TENM3: variants seen among roughly 807,000 people sequenced by gnomAD.
TENM3 encodes the protein teneurin transmembrane protein 3, also known as teneurin-3.
Under a neutral mutation model 255.1 loss-of-function variants are expected in TENM3, and 63 were observed. That is an observed-to-expected ratio of 0.25 (90% CI 0.20 to 0.30). The LOEUF (loss-of-function observed/expected upper bound fraction) is 0.30, where lower values mean the gene tolerates loss of function less well. TENM3 is among the 10% of genes least tolerant of loss of function. The pLI is 1.00. For synonymous variants in TENM3, 1,306 were observed against 1,322.3 expected, an observed-to-expected ratio of 0.99 and a Z score of 0.27; for missense variants, 2,929 against 3,461.1, an observed-to-expected ratio of 0.85 and a Z score of 3.86.
At chr4:181,582,043 T>G in the TENM3 span, among the ~76,000 whole-genome samples, 1 of 152,184 alleles carries the variant, frequency 6.6e-6, no homozygotes, top group Non-Finnish European at 1.5e-5. Context: ...CCGCCTTACA[T>G]TTACTTCTGT....
chr4:182,688,974 T>C (rs752602647), intron 12 of TENM3, among the ~76,000 whole-genome samples: 5 of 152,232 alleles, frequency 3.3e-5, no homozygotes, highest in Non-Finnish European at 5.9e-5. Flanking sequence ...ATCAGATAGA[T>C]GTTTCAGATC....
the TENM3 span, among the ~76,000 whole-genome samples, chr4:181,477,683 C>T: frequency 3.5e-4 from 53 of 152,026 alleles, no homozygotes; most frequent in Non-Finnish European, 6.2e-4. Flanking sequence ...GCTTGAAATC[C>T]TCAGTCACCA....
the TENM3 span, among the ~76,000 whole-genome samples, chr4:181,707,679 A>T: frequency 6.6e-6 from 1 of 152,234 alleles, no homozygotes; most frequent in Non-Finnish European, 1.5e-5. Flanking sequence ...ATCCGGTCAG[A>T]TGACCTCAAC....
chr4:181,607,326 A>G, the TENM3 span, among the ~76,000 whole-genome samples: 1 of 152,234 alleles, frequency 6.6e-6, no homozygotes, highest in South Asian at 2.1e-4. Context: ...CACTAGCCAT[A>G]AGCAGCTATG....
chr4:182,562,619 T>G (rs1743317928), intron 3 of TENM3, among the ~76,000 whole-genome samples: 1 of 152,152 alleles, frequency 6.6e-6, no homozygotes, highest in Non-Finnish European at 1.5e-5. Flanking sequence ...TGAGGCTGTC[T>G]CAGTTTCATC....
intron 3 of TENM3, among the ~76,000 whole-genome samples, chr4:182,502,000 A>G (rs1560837379): frequency 1.3e-5 from 2 of 152,118 alleles, no homozygotes; most frequent in Non-Finnish European, 2.9e-5. Flanking sequence ...GATCACTTGT[A>G]TGGAAACCAC....
intron 3 of TENM3, among the ~76,000 whole-genome samples, chr4:182,468,333 T>G (rs1732786982): frequency 6.6e-6 from 1 of 152,182 alleles, no homozygotes; most frequent in Non-Finnish European, 1.5e-5. Flanking sequence ...AGATTTCCGC[T>G]GTGGGTGGGG....
chr4:182,504,677 C>A, intron 3 of TENM3, among the ~76,000 whole-genome samples: 1 of 152,144 alleles, frequency 6.6e-6, no homozygotes. Context: ...ATACATATGG[C>A]GTTCGTAATT....
At chr4:181,587,656 T>A in the TENM3 span, among the ~76,000 whole-genome samples, 1 of 152,176 alleles carries the variant, frequency 6.6e-6, no homozygotes, top group African/African-American at 2.4e-5. Flanking sequence ...ACCCCACTGT[T>A]AACCAGAAGC....
chr4:182,715,721 C>T (rs1202406032), intron 13 of TENM3, among the ~76,000 whole-genome samples: 6 of 152,128 alleles, frequency 3.9e-5, no homozygotes, highest in Admixed American at 1.3e-4. Flanking sequence ...CCAGAACCAA[C>T]CCCTCAACCT....
At chr4:182,097,164 T>A in the TENM3 span, among the ~76,000 whole-genome samples, 2,268 of 152,290 alleles carry the variant, frequency 0.015, 49 homozygotes, top group African/African-American at 0.037. Flanking sequence ...TAATAATTTA[T>A]TAAGCCATGC....
In TENM3 at chr4:182,751,944, A is replaced by C; in HGVS notation, c.3774A>C (p.Ala1258=). ...TGACTAAAAATGCAGAAGTCGTCGC[A>C]GGGACAGGGGAGCAATGCCTTCCGT... is the stretch of plus-strand genomic sequence containing the variant. ...KDLTKNAEVV[A]GTGEQCLPFD... The change falls in exon 20 of 28, where the codon GCA becomes GCC. Residue 1258 remains alanine (A), a synonymous_variant. Transcript: ENST00000511685. 6.2e-7 allele frequency: 1 copy of C among 1,613,910 alleles called. No homozygotes were observed.
chr4:181,778,849 A>T, the TENM3 span, among the ~76,000 whole-genome samples: 1 of 152,146 alleles, frequency 6.6e-6, no homozygotes, highest in Non-Finnish European at 1.5e-5. Flanking sequence ...AGGTTGATGA[A>T]TGTCCTTATT....
the TENM3 span, among the ~76,000 whole-genome samples, chr4:181,918,042 G>A: frequency 2.0e-5 from 3 of 151,984 alleles, no homozygotes; most frequent in Non-Finnish European, 4.4e-5. Flanking sequence ...AGCTACTTTT[G>A]TGCTTCTCAC....
Position 182,405,899 on chromosome 4 carries a change from G to A in TENM3, c.511+58970G>A, listed in dbSNP as rs901520125. Among the ~76,000 whole-genome samples, 10 of 152,192 alleles carry A rather than the reference G, an allele frequency of 6.6e-5. No homozygotes were observed. The East Asian group carries it at 1.9e-3, about 29-fold the overall frequency. ...GGAGCACCACAAGCAGGCTTGGGTC[G>A]GGAGGGAGCCTCTGGGTTTGCAAAG... is the stretch of plus-strand genomic sequence containing the variant. On this transcript the variant is annotated intron_variant, in intron 3 of 27. Transcript: ENST00000511685.
At chr4:181,618,248 G>A in the TENM3 span, among the ~76,000 whole-genome samples, 17 of 152,232 alleles carry the variant, frequency 1.1e-4, no homozygotes, top group African/African-American at 3.9e-4. Flanking sequence ...ACTTACACCA[G>A]TTTCAGTCCT....
intron 12 of TENM3, among the ~76,000 whole-genome samples, chr4:182,694,049 C>T (rs953376217): frequency 2.6e-5 from 4 of 151,942 alleles, no homozygotes; most frequent in Admixed American, 2.6e-4. Context: ...TATTGTTTAA[C>T]AAGAAATTTG....
chr4:182,765,135 A>G (rs923683349), intron 22 of TENM3, among the ~76,000 whole-genome samples: 1 of 48,302 alleles, frequency 2.1e-5, no homozygotes, highest in Non-Finnish European at 3.8e-5. Flanking sequence ...GCATGTGATT[A>G]AAAAAAAATG....
At chr4:182,206,223 G>A (rs759914441) in intron 1 of TENM3, among the ~76,000 whole-genome samples, 4 of 152,152 alleles carry the variant, frequency 2.6e-5, no homozygotes, top group Non-Finnish European at 5.9e-5. Flanking sequence ...CCTCAGAGCA[G>A]GTTTCCTGGC....
Sources: allele counts gnomAD v4.1 joint callset (sites outside exome capture counted in the v4.1 genomes callset), GRCh38; gene constraint gnomAD v4.1.1; transcripts MANE v1.5; gene names NCBI Gene and HGNC (gene_info 2026-07-23, HGNC 2026-07-21).